Variants in LRRC7 observed in about 807,000 individuals in gnomAD.
LRRC7 encodes the protein leucine-rich repeat-containing protein 7.
In LRRC7, 23 loss-of-function variants were observed where a neutral mutation model predicts 175.7. The observed-to-expected ratio is 0.13, with a 90% CI of 0.09 to 0.19. The LOEUF is 0.19. Ranked by LOEUF, LRRC7 falls within the 10% of genes least tolerant of loss-of-function variation. The probability of loss-of-function intolerance (pLI) is 1.00; values close to 1 mark genes in which losing one functional copy is unlikely to be tolerated. For synonymous variants in LRRC7, 685 were observed against 680.9 expected, an observed-to-expected ratio of 1.01 and a Z score of -0.09; for missense variants, 1,354 against 1,904.7, an observed-to-expected ratio of 0.71 and a Z score of 5.38.
intron 1 of LRRC7, among the ~76,000 whole-genome samples, chr1:69,584,182 G>A (rs1307326223): frequency 2.0e-5 from 3 of 151,940 alleles, no homozygotes; most frequent in Admixed American, 6.6e-5. Flanking sequence ...AAATAGTTTC[G>A]GAGGCAAAGG....
intron 8 of LRRC7, among the ~76,000 whole-genome samples, chr1:69,979,999 G>A (rs1465626586): frequency 6.6e-6 from 1 of 152,042 alleles, no homozygotes; most frequent in Non-Finnish European, 1.5e-5. Flanking sequence ...CAACAGGGAT[G>A]TGAGGATATA....
chr1:69,824,659 C>G (rs563158139), intron 4 of LRRC7, among the ~76,000 whole-genome samples: 3 of 152,180 alleles, frequency 2.0e-5, no homozygotes, highest in South Asian at 4.1e-4. Flanking sequence ...CTTTGAAGTC[C>G]TGTGGACATG....
intron 1 of LRRC7, among the ~76,000 whole-genome samples, chr1:69,609,249 T>C (rs1206067881): frequency 2.0e-5 from 3 of 152,136 alleles, no homozygotes; most frequent in African/African-American, 7.2e-5. Flanking sequence ...TATACTCCAG[T>C]TATTTAAATC....
chr1:69,853,410 C>G (rs748322188), intron 7 of LRRC7, among the ~76,000 whole-genome samples: 74 of 151,132 alleles, frequency 4.9e-4, no homozygotes, highest in Non-Finnish European at 9.0e-4. Flanking sequence ...TCCCGAGTAG[C>G]TGGGACTACA....
intron 23 of LRRC7, among the ~76,000 whole-genome samples, chr1:70,067,210 C>T (rs1391739278): frequency 1.3e-5 from 2 of 152,040 alleles, no homozygotes; most frequent in Non-Finnish European, 2.9e-5. Context: ...ACATGATTTA[C>T]AAACATTTTC....
At chr1:69,797,237 A>T (rs1162731479) in intron 4 of LRRC7, among the ~76,000 whole-genome samples, 2 of 152,236 alleles carry the variant, frequency 1.3e-5, no homozygotes, top group Non-Finnish European at 2.9e-5. Flanking sequence ...ATAAGTAATG[A>T]GTAGCCACTA....
rs1390413793 is a variant in LRRC7, at chr1:70,131,680, T to C, written c.*9793T>C. Among the ~76,000 whole-genome samples the C allele has an allele frequency of 6.6e-6, 1 of 152,186 alleles. No individual in the cohort carries two copies. Among genetic ancestry groups the C allele is most frequent in the African/African-American group, 2.4e-5 (1 of 41,446 alleles). ...AAGATTTAGATAAAGTCATAGTATATCTTGAAGGAAACAGCCACCATTGCT... is the reference window on the plus strand; with the variant it reads ...AAGATTTAGATAAAGTCATAGTATACCTTGAAGGAAACAGCCACCATTGCT... On this transcript the variant is annotated 3_prime_UTR_variant, in exon 27 of 27. Transcript: ENST00000651989.
At chr1:69,769,627 G>A (rs570444408) in intron 3 of LRRC7, among the ~76,000 whole-genome samples, 1 of 152,194 alleles carries the variant, frequency 6.6e-6, no homozygotes, top group South Asian at 2.1e-4. Context: ...GTATATGCAA[G>A]TATTCCAAAA....
chr1:69,592,289 G>C (rs1285399074), intron 1 of LRRC7, among the ~76,000 whole-genome samples: 2 of 151,972 alleles, frequency 1.3e-5, no homozygotes, highest in African/African-American at 4.8e-5. Context: ...TTTACGTAAA[G>C]TCTGCTGATT....
chr1:70,140,724 G>C lies in LRRC7; in HGVS notation c.*18837G>C, dbSNP rs575251501. ...CACCTTATTCCCAAACCAGGCTTGA[G>C]AAAAAAAGCATTCAAGGGCCCTGCC... On this transcript the variant is annotated 3_prime_UTR_variant, in exon 27 of 27. Coordinates refer to ENST00000651989, the MANE Select transcript of LRRC7 (RefSeq NM_001370785.2). 8 of 152,014 alleles carry C rather than the reference G, an allele frequency of 5.3e-5. No homozygotes were observed. Among genetic ancestry groups the C allele is most frequent in the African/African-American group, 1.9e-4 (8 of 41,436 alleles). The allele number at this position is 152,014 out of a possible 1,614,324, so 9.4% of individuals were successfully genotyped here.
intron 7 of LRRC7, among the ~76,000 whole-genome samples, chr1:69,887,870 C>A (rs929510793): frequency 1.2e-4 from 18 of 146,982 alleles, no homozygotes; most frequent in Non-Finnish European, 1.9e-4. Flanking sequence ...TGTTGGAATA[C>A]CCTGCTGTGT....
chr1:69,701,999 G>T (rs1048305867), intron 2 of LRRC7, among the ~76,000 whole-genome samples: 3 of 152,118 alleles, frequency 2.0e-5, no homozygotes, highest in African/African-American at 7.2e-5. Context: ...TTTAAATTCT[G>T]TTTTTAAGTT....
chr1:69,845,776 A>G (rs1682288280), intron 7 of LRRC7, among the ~76,000 whole-genome samples: 2 of 152,160 alleles, frequency 1.3e-5, no homozygotes, highest in African/African-American at 2.4e-5. Flanking sequence ...AGGACAGCTT[A>G]CAGAATGGCT....
chr1:70,099,903 T>G (rs1421857663), intron 25 of LRRC7, among the ~76,000 whole-genome samples: 1 of 152,152 alleles, frequency 6.6e-6, no homozygotes, highest in Non-Finnish European at 1.5e-5. Flanking sequence ...ATTTATAAAA[T>G]AAAATAAATG....
chr1:70,096,956 C>G (rs1032494221), intron 25 of LRRC7, among the ~76,000 whole-genome samples: 1 of 152,192 alleles, frequency 6.6e-6, no homozygotes. Context: ...CAGGCAGTCT[C>G]AATGCTTTTA....
At chr1:69,709,600 G>T (rs554391615) in intron 2 of LRRC7, among the ~76,000 whole-genome samples, 5 of 152,140 alleles carry the variant, frequency 3.3e-5, no homozygotes, top group Non-Finnish European at 7.4e-5. Flanking sequence ...TATCTGACTC[G>T]AAAGTCAGGT....
chr1:69,771,435 T>C (rs1672232303), intron 3 of LRRC7, among the ~76,000 whole-genome samples: 1 of 152,162 alleles, frequency 6.6e-6, no homozygotes, highest in East Asian at 1.9e-4. Flanking sequence ...TCCCAGTCAT[T>C]TTTTGAGCAG....
At chr1:69,875,727 G>T (rs1235049882) in intron 7 of LRRC7, among the ~76,000 whole-genome samples, 1 of 151,776 alleles carries the variant, frequency 6.6e-6, no homozygotes, top group Non-Finnish European at 1.5e-5. Context: ...AAAAAAACAG[G>T]TAAAATGATA....
chr1:69,706,387 G>A (rs1664043310), intron 2 of LRRC7, among the ~76,000 whole-genome samples: 1 of 152,062 alleles, frequency 6.6e-6, no homozygotes, highest in Non-Finnish European at 1.5e-5. Context: ...TCTAGCATTC[G>A]TCACTTACAC....
Sources: allele counts gnomAD v4.1 joint callset (sites outside exome capture counted in the v4.1 genomes callset), GRCh38; gene constraint gnomAD v4.1.1; transcripts MANE v1.5; gene names NCBI Gene and HGNC (gene_info 2026-07-23, HGNC 2026-07-21).